Variants in CMTM4 observed in about 807,000 individuals in gnomAD.
CMTM4 encodes CKLF-like MARVEL transmembrane domain-containing protein 4.
Under a neutral mutation model 19.0 loss-of-function variants are expected in CMTM4, and 8 were observed. The observed-to-expected ratio is 0.42, with a 90% CI of 0.25 to 0.76. CMTM4 has a LOEUF of 0.76. Among genes scored for constraint, CMTM4 ranks in the 30% least tolerant of loss-of-function variants. The pLI is 0.27. For missense variants in CMTM4, 228 were observed against 290.2 expected (o/e 0.79, Z 1.56); for synonymous variants, 106 against 121.1 (o/e 0.88, Z 0.82).
intron 1 of CMTM4, among the ~76,000 whole-genome samples, chr16:66,644,517 GC>G: frequency 1.3e-5 from 2 of 152,178 alleles, no homozygotes; most frequent in Non-Finnish European, 2.9e-5. Context: ...TCAAAAGAAG[GC>G]CCCCCCTTTG....
chr16:66,617,254 A>C lies in CMTM4; in HGVS notation c.*4804T>G. 1 of 1,611,944 alleles carries C rather than the reference A, an allele frequency of 6.2e-7. No homozygotes were observed. The highest frequency in any genetic ancestry group is 2.2e-5 in the East Asian group (1 of 44,872). ...ACCCTATGAAATAGATACACAGTTC[A>C]AGGACCCATCATCTGAACTTTTCTA... On this transcript the variant is annotated 3_prime_UTR_variant, in exon 4 of 4. Coordinates refer to ENST00000394106, the MANE Select transcript of CMTM4 (RefSeq NM_181521.3).
chr16:66,659,937 T>C (rs2016471340), intron 1 of CMTM4, among the ~76,000 whole-genome samples: 1 of 152,300 alleles, frequency 6.6e-6, no homozygotes. Context: ...GAAGAACTTA[T>C]ATCCAGAACA....
chr16:66,618,083 G>A lies in CMTM4; in HGVS notation c.*3975C>T, dbSNP rs2015558748. On this transcript the variant is annotated 3_prime_UTR_variant, in exon 4 of 4. Coordinates refer to ENST00000394106, the MANE Select transcript of CMTM4 (RefSeq NM_181521.3). Reference sequence around the variant, plus strand: ...CAAGCTGTTGGGCCTGGACGTGGGTGCTGATAAAATAAGACAAACCTGGAA... The same window carrying A: ...CAAGCTGTTGGGCCTGGACGTGGGTACTGATAAAATAAGACAAACCTGGAA... The A allele has an allele frequency of 2.0e-6, 2 of 985,356 alleles. No homozygotes were observed. The highest frequency in any genetic ancestry group is 1.7e-5 in the African/African-American group (1 of 57,234). The allele number at this position is 985,356 out of a possible 1,614,324, so 61.0% of individuals were successfully genotyped here.
In CMTM4 at chr16:66,615,601, G is replaced by GGAAGTCCCCCAGATCC. The variant is rs2015511618; in HGVS notation, c.*6456_*6457insGGATCTGGGGGACTTC. 6.6e-6 allele frequency: 1 copy of GGAAGTCCCCCAGATCC among 152,342 alleles called. No individual in the cohort carries two copies. Among genetic ancestry groups the GGAAGTCCCCCAGATCC allele is most frequent in the African/African-American group, 2.4e-5 (1 of 41,460 alleles). 9.4% of individuals were successfully genotyped at this position (152,342 alleles called of 1,614,324 possible). ...GATCCGAGTGGAAGATGAGAGCCCC[G>GGAAGTCCCCCAGATCC]GAGCTGGCTGAGGTCCCCCAGGAAG... On this transcript the variant is annotated 3_prime_UTR_variant, in exon 4 of 4. Transcript: ENST00000394106. The surrounding 1 kb of genome is among the most constrained non-coding windows in gnomAD (Gnocchi z 4.9).
At position 66,680,638 on chromosome 16, in the gene CMTM4, G is replaced by A. The variant is rs564640217; in HGVS notation, c.186+15702C>T. Among the ~76,000 whole-genome samples, 4 of 151,692 alleles carry A rather than the reference G, an allele frequency of 2.6e-5. No homozygotes were observed. In the South Asian group the frequency reaches 8.3e-4, roughly 32 times the overall value. On this transcript the variant is annotated intron_variant, in intron 1 of 3. Coordinates refer to ENST00000394106, the MANE Select transcript of CMTM4 (RefSeq NM_181521.3). ...AAATACAAAATATTAGCCAGGCGTGGTGGCGGGCACCTGTAGTCCCAGCTG... is the reference window on the plus strand; with the variant it reads ...AAATACAAAATATTAGCCAGGCGTGATGGCGGGCACCTGTAGTCCCAGCTG...
At chr16:66,652,332 C>T (rs1311068583) in intron 1 of CMTM4, among the ~76,000 whole-genome samples, 1 of 152,162 alleles carries the variant, frequency 6.6e-6, no homozygotes, top group Non-Finnish European at 1.5e-5. Flanking sequence ...TGGTGCTTAC[C>T]GCAGACCCCT....
At chr16:66,693,953 C>A (rs868568713) in intron 1 of CMTM4, among the ~76,000 whole-genome samples, 2 of 151,880 alleles carry the variant, frequency 1.3e-5, no homozygotes, top group African/African-American at 2.4e-5. Flanking sequence ...GCCCAGGTGG[C>A]GGAGGTTGCA....
At chr16:66,693,545 T>C (rs1258192542) in intron 1 of CMTM4, among the ~76,000 whole-genome samples, 2 of 152,196 alleles carry the variant, frequency 1.3e-5, no homozygotes, top group South Asian at 2.1e-4. Flanking sequence ...TTTTGTGGGA[T>C]TTTCATCAAG....
intron 1 of CMTM4, among the ~76,000 whole-genome samples, chr16:66,637,967 T>C (rs895744635): frequency 1.3e-5 from 2 of 152,228 alleles, no homozygotes; most frequent in African/African-American, 2.4e-5. Flanking sequence ...GATCTTCAGA[T>C]GATTAAAATG....
In CMTM4 at chr16:66,618,106, GA is replaced by G; in HGVS notation, c.*3951del. 1.0e-6 allele frequency: 1 copy of G among 985,380 alleles called. No individual in the cohort carries two copies. The highest frequency in any genetic ancestry group is 1.2e-6 in the Non-Finnish European group (1 of 829,970). 61.0% of individuals were successfully genotyped at this position (985,380 alleles called of 1,614,324 possible). On this transcript the variant is annotated 3_prime_UTR_variant, in exon 4 of 4. Transcript: ENST00000394106. ...GTGCTGATAAAATAAGACAAACCTGGAAAAAACCCTGGATTCTGCAACTTCA... is the reference window on the plus strand; with the variant it reads ...GTGCTGATAAAATAAGACAAACCTGGAAAAACCCTGGATTCTGCAACTTCA...
downstream of CMTM4, among the ~76,000 whole-genome samples, chr16:66,614,257 C>G (rs952458801): frequency 6.6e-6 from 1 of 152,220 alleles, no homozygotes; most frequent in African/African-American, 2.4e-5. The surrounding 1 kb of genome is among the most constrained non-coding windows in gnomAD (Gnocchi z 4.9). Context: ...GACCCCTGCT[C>G]TAGTTCTCAC....
Position 66,621,998 on chromosome 16 carries a change from A to G in CMTM4, c.*60T>C. The G allele has an allele frequency of 6.6e-7, 1 of 1,519,484 alleles. No homozygotes were observed. Among genetic ancestry groups the G allele is most frequent in the East Asian group, 2.5e-5 (1 of 40,380 alleles). The allele number at this position is 1,519,484 out of a possible 1,614,324, so 94.1% of individuals were successfully genotyped here. A position where few individuals can be genotyped will look rare whatever the true frequency, so the allele number is the denominator to read the frequency against. ...CATGGAAATCTGACAGGACAAGGGA[A>G]AGAAAACTTGACTGAGAGACAGGCA... On this transcript the variant is annotated 3_prime_UTR_variant, in exon 4 of 4. Coordinates refer to ENST00000394106, the MANE Select transcript of CMTM4 (RefSeq NM_181521.3).
chr16:66,683,199 A>ATATATACGTATATATATATATATG lies in CMTM4; in HGVS notation c.186+13140_186+13141insCATATATATATATATACGTATATA, dbSNP rs2016970117. 1.7e-4 allele frequency among the ~76,000 whole-genome samples: 22 copies of ATATATACGTATATATATATATATG among 126,246 alleles called. No individual in the cohort carries two copies. The East Asian group carries it at 5.3e-3, about 30-fold the overall frequency. 82.8% of individuals were successfully genotyped at this position (126,246 alleles called of 152,430 possible). On this transcript the variant is annotated intron_variant, in intron 1 of 3. Transcript: ENST00000394106. ...TACATATGTATATATATATACATAT[A>ATATATACGTATATATATATATATG]TATATATATATAAATTTTCCCCATG...
In CMTM4 at chr16:66,636,528, C is replaced by T. The variant is rs146201516; in HGVS notation, c.240G>A (p.Pro80=). The T allele has an allele frequency of 1.9e-5, 31 of 1,614,134 alleles. No individual in the cohort carries two copies. The highest frequency in any genetic ancestry group is 8.9e-5 in the East Asian group (4 of 44,880). ...ACTCAAAAAAGTAGAGGCCTTCACA[C>T]GGGGAGCATGCCATGATGGTCTCTA... The part of the protein sequence containing the change: ...ICIETIMACS[P]CEGLYFFEFV... The change falls in exon 2 of 4, where the codon CCG becomes CCA. Residue 80 remains proline, a synonymous_variant. Transcript: ENST00000394106.
intron 1 of CMTM4, among the ~76,000 whole-genome samples, chr16:66,640,175 C>G (rs564516934): frequency 6.6e-6 from 1 of 152,252 alleles, no homozygotes; most frequent in African/African-American, 2.4e-5. Context: ...GTGGCGCACG[C>G]CTGTAATCCC....
At position 66,649,448 on chromosome 16, in the gene CMTM4, C is replaced by A. The variant is rs1163432167; in HGVS notation, c.187-12867G>T. Among the ~76,000 whole-genome samples the A allele has an allele frequency of 5.4e-4, 67 of 122,954 alleles. 1 individual carries two copies. The highest frequency in any genetic ancestry group is 1.3e-3 in the South Asian group (5 of 3,822). The allele number at this position is 122,954 out of a possible 152,430, so 80.7% of individuals were successfully genotyped here. Reference sequence around the variant, plus strand: ...TTTTCTTTTGGTCTTGATTCCTTCTCTCTATCTATCCATCTATCTATCTAT... The same window carrying A: ...TTTTCTTTTGGTCTTGATTCCTTCTATCTATCTATCCATCTATCTATCTAT... On this transcript the variant is annotated intron_variant, in intron 1 of 3. Transcript: ENST00000394106.
At chr16:66,679,093 C>G (rs1596958157) in intron 1 of CMTM4, among the ~76,000 whole-genome samples, 1 of 146,164 alleles carries the variant, frequency 6.8e-6, no homozygotes, top group South Asian at 2.2e-4. Context: ...AGCAAGACTC[C>G]ATCTAAAAAA....
Position 66,636,690 on chromosome 16 carries a change from A to C in CMTM4, c.187-109T>G, listed in dbSNP as rs879291292. On this transcript the variant is annotated intron_variant, in intron 1 of 3. Coordinates refer to ENST00000394106, the MANE Select transcript of CMTM4 (RefSeq NM_181521.3). ...ACTGAACAACAACATACTGCCACTG[A>C]GTTTTCCTCTGGGACAGCAGTGTAA... is the stretch of plus-strand genomic sequence containing the variant. 90 of 868,072 alleles carry C rather than the reference A, an allele frequency of 1.0e-4. No individual in the cohort carries two copies. The Admixed American group carries it at 2.0e-3, about 19-fold the overall frequency. The allele number at this position is 868,072 out of a possible 1,614,324, so 53.8% of individuals were successfully genotyped here. A position where few individuals can be genotyped will look rare whatever the true frequency, so the allele number is the denominator to read the frequency against.
At chr16:66,626,168 C>A (rs1051260657) in intron 2 of CMTM4, among the ~76,000 whole-genome samples, 1 of 152,230 alleles carries the variant, frequency 6.6e-6, no homozygotes, top group South Asian at 2.1e-4. Context: ...GGCACAGCAG[C>A]TCATGCCTAT....
Sources: gnomAD v4.1 joint callset for allele counts (sites outside exome capture counted in the v4.1 genomes callset) on GRCh38, gnomAD v4.1.1 for gene constraint, Gnocchi (gnomAD v3.1) non-coding constraint, MANE v1.5 for transcripts, NCBI Gene and HGNC (gene_info 2026-07-23, HGNC 2026-07-21) for gene names.